Variants in PIK3R1 observed in about 807,000 individuals in gnomAD.
PIK3R1 encodes the protein phosphoinositide-3-kinase regulatory subunit 1.
A neutral mutation model predicts 98.0 loss-of-function variants in PIK3R1; 29 were observed. The ratio of observed to expected loss-of-function variants is 0.30; its 90% CI spans 0.22 to 0.40. The LOEUF (loss-of-function observed/expected upper bound fraction) is 0.40. Among genes scored for constraint, PIK3R1 ranks in the 10% least tolerant of loss-of-function variants. PIK3R1 has a pLI of 1.00. For synonymous variants in PIK3R1, 282 were observed against 311.8 expected, an observed-to-expected ratio of 0.90 and a Z score of 1.01; for missense variants, 596 against 872.7, an observed-to-expected ratio of 0.68 and a Z score of 3.99.
rs1746468176 is a variant in PIK3R1, at chr5:68,273,932, G to A, written c.428-7G>A. 9 of 1,611,876 alleles carry A rather than the reference G, an allele frequency of 5.6e-6. No homozygotes were observed. Among genetic ancestry groups the A allele is most frequent in the Non-Finnish European group, 7.6e-6 (9 of 1,178,134 alleles). ...ATACATGGTCTGTGGTCTGTTTTGT[G>A]TCCTAGGTCTGGAATGTTCAACTCT... On this transcript the variant is annotated splice_region_variant and splice_polypyrimidine_tract_variant and intron_variant, in intron 3 of 15. Coordinates refer to ENST00000521381, the MANE Select transcript of PIK3R1 (RefSeq NM_181523.3).
In PIK3R1 at chr5:68,300,415, A is replaced by C. The variant is rs1747975348; in HGVS notation, c.*2814A>C. 1 of 232,918 alleles carries C rather than the reference A, an allele frequency of 4.3e-6. No homozygotes were observed. Among genetic ancestry groups the C allele is most frequent in the South Asian group, 1.8e-4 (1 of 5,520 alleles). 14.4% of individuals were successfully genotyped at this position (232,918 alleles called of 1,614,324 possible). A position where few individuals can be genotyped will look rare whatever the true frequency, so the allele number is the denominator to read the frequency against. On this transcript the variant is annotated 3_prime_UTR_variant, in exon 16 of 16. Coordinates refer to ENST00000521381, the MANE Select transcript of PIK3R1 (RefSeq NM_181523.3). The stretch of plus-strand genomic sequence containing the variant: ...AATAGATACAGCAGAGGCACTCCTG[A>C]TATATGATTTTTATCCATGCGTCAG...
At chr5:68,294,485 G>A (rs766275365) in intron 11 of PIK3R1, 51 bp from the exon 12 acceptor site, 48 of 1,415,256 alleles carry the variant, frequency 3.4e-5, no homozygotes, top group Non-Finnish European at 4.5e-5. Context: ...CTTGCAGTAA[G>A]AGATTGTTCT....
intron 5 of PIK3R1, 117 bp downstream of exon 5, chr5:68,279,850 TCC>T: frequency 1.1e-6 from 1 of 936,852 alleles, no homozygotes; most frequent in Non-Finnish European, 1.6e-6. Flanking sequence ...AACCTGTCCC[TCC>T]CCCAACAATA....
chr5:68,263,215 T>A (rs1664576), intron 2 of PIK3R1, among the ~76,000 whole-genome samples: 87,524 of 120,744 alleles, frequency 0.72, 28,732 homozygotes, highest in South Asian at 0.74. Context: ...ATATATATAT[T>A]TCTACATATA....
At chr5:68,236,260 G>T (rs1012467879) in intron 2 of PIK3R1, among the ~76,000 whole-genome samples, 2 of 149,860 alleles carry the variant, frequency 1.3e-5, no homozygotes, top group African/African-American at 4.9e-5. Flanking sequence ...TTGTTTGTTT[G>T]TTTTTTTGAG....
chr5:68,261,089 T>G (rs1287398014), intron 2 of PIK3R1, among the ~76,000 whole-genome samples: 2 of 152,208 alleles, frequency 1.3e-5, no homozygotes, highest in Non-Finnish European at 2.9e-5. Flanking sequence ...TTTCGCTTGG[T>G]GCCAACTCCA....
chr5:68,247,223 C>T (rs1033117615), intron 2 of PIK3R1, among the ~76,000 whole-genome samples: 2 of 152,196 alleles, frequency 1.3e-5, no homozygotes, highest in African/African-American at 4.8e-5. Flanking sequence ...CTCTCATGGT[C>T]TCTCTTAAAA....
rs193152776 is a variant in PIK3R1, at chr5:68,292,974, C to T, written c.1020-127C>T. 1.1e-3 allele frequency: 856 copies of T among 748,422 alleles called. 1 individual carries two copies. The highest frequency in any genetic ancestry group is 1.7e-3 in the Non-Finnish European group (779 of 455,976). The allele number at this position is 748,422 out of a possible 1,614,324, so 46.4% of individuals were successfully genotyped here. A position where few individuals can be genotyped will look rare whatever the true frequency, so the allele number is the denominator to read the frequency against. On this transcript the variant is annotated intron_variant, in intron 8 of 15. Transcript: ENST00000521381. ...TATGTGGGCAGGAGGAATATGGGCA[C>T]TCACTGTACTTTCCACTTGATTTTG...
Position 68,301,191 on chromosome 5 carries a change from A to G in PIK3R1, c.*3590A>G, listed in dbSNP as rs1748022040. 4 of 221,858 alleles carry G rather than the reference A, an allele frequency of 1.8e-5. No individual in the cohort carries two copies. The Admixed American group carries it at 2.3e-4, about 13-fold the overall frequency. The allele number at this position is 221,858 out of a possible 1,614,324, so 13.7% of individuals were successfully genotyped here. On this transcript the variant is annotated 3_prime_UTR_variant, in exon 16 of 16. Coordinates refer to ENST00000521381, the MANE Select transcript of PIK3R1 (RefSeq NM_181523.3). ...AATGTCTCACATGGGACAAAGTTCC[A>G]AAATGCCAAATTCTTATTTTTTAAA...
chr5:68,275,069 G>A (rs552835524), intron 4 of PIK3R1, among the ~76,000 whole-genome samples: 2 of 152,314 alleles, frequency 1.3e-5, no homozygotes, highest in East Asian at 3.9e-4. Context: ...TGGAGAAAAG[G>A]AGGAGACTAG....
chr5:68,251,414 A>T (rs1476658451), intron 2 of PIK3R1, among the ~76,000 whole-genome samples: 7 of 151,714 alleles, frequency 4.6e-5, no homozygotes, highest in South Asian at 2.1e-4. Flanking sequence ...TTCCTTTTTT[A>T]AAAAAATAAT....
At chr5:68,292,234 A>G (rs529381019) in intron 7 of PIK3R1, 25 bp from the exon 8 acceptor site, 8 of 1,510,004 alleles carry the variant, frequency 5.3e-6, no homozygotes, top group Middle Eastern at 1.7e-4. Context: ...GGGATTGCGA[A>G]CAACTTTTTC....
At chr5:68,269,817 T>C (rs1458819390) in intron 2 of PIK3R1, among the ~76,000 whole-genome samples, 1 of 151,966 alleles carries the variant, frequency 6.6e-6, no homozygotes, top group Non-Finnish European at 1.5e-5. Context: ...CTAAATATTT[T>C]AAAGAGGAAA....
chr5:68,289,541 A>G lies in PIK3R1; in HGVS notation c.917-2718A>G, dbSNP rs915078936. On this transcript the variant is annotated intron_variant, in intron 7 of 15. Coordinates refer to ENST00000521381, the MANE Select transcript of PIK3R1 (RefSeq NM_181523.3). Reference sequence around the variant, plus strand: ...CACTGTAGTTTTTTAAATGAGCCACATTTACCTTGGGGAAGAGCCCCTCCC... The same window carrying G: ...CACTGTAGTTTTTTAAATGAGCCACGTTTACCTTGGGGAAGAGCCCCTCCC... 2.0e-5 allele frequency among the ~76,000 whole-genome samples: 3 copies of G among 151,788 alleles called. No individual in the cohort carries two copies. In the South Asian group the frequency reaches 6.2e-4, roughly 32 times the overall value.
chr5:68,300,182 A>C lies in PIK3R1; in HGVS notation c.*2581A>C, dbSNP rs906286967. On this transcript the variant is annotated 3_prime_UTR_variant, in exon 16 of 16. Coordinates refer to ENST00000521381, the MANE Select transcript of PIK3R1 (RefSeq NM_181523.3). The stretch of plus-strand genomic sequence containing the variant: ...TTTGCCTTATTTTTGCATCTCACAA[A>C]CATAAGTGCAATAGATCTTTTCATT... The C allele has an allele frequency of 1.2e-4, 27 of 233,136 alleles. No individual in the cohort carries two copies. Among genetic ancestry groups the C allele is most frequent in the Non-Finnish European group, 1.9e-4 (23 of 118,036 alleles). 14.4% of individuals were successfully genotyped at this position (233,136 alleles called of 1,614,324 possible). A position where few individuals can be genotyped will look rare whatever the true frequency, so the allele number is the denominator to read the frequency against.
chr5:68,217,625 T>TGTGG (rs1554044184), intron 1 of PIK3R1: 2,222 of 140,138 alleles, frequency 0.016, 18 homozygotes, highest in Middle Eastern at 0.036. Flanking sequence ...GAGTAATGTG[T>TGTGG]GGGGGTGTGT....
rs1561305360 is a variant in PIK3R1 at position 68,299,869 on chromosome 5, T to G, written c.*2268T>G. The G allele has an allele frequency of 4.3e-6, 1 of 233,122 alleles. No individual in the cohort carries two copies. Among genetic ancestry groups the G allele is most frequent in the Non-Finnish European group, 8.5e-6 (1 of 118,020 alleles). The allele number at this position is 233,122 out of a possible 1,614,324, so 14.4% of individuals were successfully genotyped here. A position where few individuals can be genotyped will look rare whatever the true frequency, so the allele number is the denominator to read the frequency against. On this transcript the variant is annotated 3_prime_UTR_variant, in exon 16 of 16. Coordinates refer to ENST00000521381, the MANE Select transcript of PIK3R1 (RefSeq NM_181523.3). ...AAACTTGACTCTACTGATCTGACCATTTCCCTCTCATCGCCAGACAACTGA... is the reference window on the plus strand; with the variant it reads ...AAACTTGACTCTACTGATCTGACCAGTTCCCTCTCATCGCCAGACAACTGA...
rs1014025604 is a variant in PIK3R1, at chr5:68,226,533, C to T, written c.-143C>T. ...TGGCCAGTCACCTCTCCTCTTAAAC[C>T]TTTGGAGAGTGGTCCTTTGTCCTCT... On this transcript the variant is annotated 5_prime_UTR_variant, in exon 2 of 16. Transcript: ENST00000521381. 3 of 664,828 alleles carry T rather than the reference C, an allele frequency of 4.5e-6. No homozygotes were observed. The highest frequency in any genetic ancestry group is 7.6e-6 in the Non-Finnish European group (3 of 392,316). The allele number at this position is 664,828 out of a possible 1,614,324, so 41.2% of individuals were successfully genotyped here.
intron 2 of PIK3R1, among the ~76,000 whole-genome samples, chr5:68,250,951 AT>A (rs959817497): frequency 6.6e-6 from 1 of 152,206 alleles, no homozygotes; most frequent in African/African-American, 2.4e-5. Flanking sequence ...TCAGAAGATA[AT>A]TTTAAGAGAG....
Sources: gnomAD v4.1 joint callset for allele counts (sites outside exome capture counted in the v4.1 genomes callset) on GRCh38, gnomAD v4.1.1 for gene constraint, MANE v1.5 for transcripts, NCBI Gene and HGNC (gene_info 2026-07-23, HGNC 2026-07-21) for gene names.